MECOM: variants seen among roughly 807,000 people sequenced by gnomAD.
The protein encoded by MECOM is histone-lysine N-methyltransferase MECOM.
Under a neutral mutation model 116.3 loss-of-function variants are expected in MECOM, and 13 were observed. The observed-to-expected ratio is 0.11, with a 90% CI of 0.07 to 0.18. The LOEUF (loss-of-function observed/expected upper bound fraction) is 0.18. Ranked by LOEUF, MECOM falls within the 10% of genes least tolerant of loss-of-function variation. MECOM has a pLI of 1.00. For synonymous variants in MECOM, 528 were observed against 535.2 expected (o/e 0.99, Z 0.19); for missense variants, 1,299 against 1,509.0 (o/e 0.86, Z 2.31).
At chr3:169,557,874 A>C (rs1299191882) in intron 1 of MECOM, among the ~76,000 whole-genome samples, 1 of 152,244 alleles carries the variant, frequency 6.6e-6, no homozygotes, top group Non-Finnish European at 1.5e-5. Flanking sequence ...TATTTCTTAC[A>C]TAAAAATATT....
chr3:169,543,869 T>C (rs937310226), intron 1 of MECOM, among the ~76,000 whole-genome samples: 2 of 152,140 alleles, frequency 1.3e-5, no homozygotes, highest in African/African-American at 4.8e-5. Flanking sequence ...TTCAATAAGC[T>C]GCTGTTTATT....
intron 2 of MECOM, among the ~76,000 whole-genome samples, chr3:169,220,903 C>T (rs942910954): frequency 1.3e-5 from 2 of 151,988 alleles, no homozygotes; most frequent in Admixed American, 6.6e-5. Flanking sequence ...CAATATCCGG[C>T]GCATAGTTGG....
intron 1 of MECOM, among the ~76,000 whole-genome samples, chr3:169,450,837 GC>G (rs1745454737): frequency 6.6e-6 from 1 of 152,112 alleles, no homozygotes; most frequent in South Asian, 2.1e-4. Context: ...TACAAATGAG[GC>G]CAAGGCTCTG....
At chr3:169,176,462 TAACTC>T (rs1745183598) in intron 2 of MECOM, among the ~76,000 whole-genome samples, 1 of 151,892 alleles carries the variant, frequency 6.6e-6, no homozygotes, top group Non-Finnish European at 1.5e-5. Context: ...ATACAAAAAT[TAACTC>T]AAGATGGATT....
At chr3:169,246,525 C>CA (rs1755600386) in intron 2 of MECOM, among the ~76,000 whole-genome samples, 1 of 146,114 alleles carries the variant, frequency 6.8e-6, no homozygotes, top group Non-Finnish European at 1.5e-5. Context: ...AGTACACATA[C>CA]ACTTTTTTTT....
At chr3:169,559,260 C>T (rs141615451) in intron 1 of MECOM, among the ~76,000 whole-genome samples, 1 of 152,134 alleles carries the variant, frequency 6.6e-6, no homozygotes, top group East Asian at 1.9e-4. Flanking sequence ...TTTTCATAGC[C>T]GGGCTCTATA....
intron 1 of MECOM, among the ~76,000 whole-genome samples, chr3:169,649,085 A>G (rs181984983): frequency 6.6e-6 from 1 of 152,354 alleles, no homozygotes; most frequent in East Asian, 1.9e-4. Flanking sequence ...TTTATGGGCT[A>G]TGTAAATACA....
At chr3:169,414,614 A>C (rs1738202592) in intron 1 of MECOM, among the ~76,000 whole-genome samples, 1 of 152,324 alleles carries the variant, frequency 6.6e-6, no homozygotes, top group South Asian at 2.1e-4. Flanking sequence ...TTCTAACTCA[A>C]TGCAAGGAAG....
intron 2 of MECOM, among the ~76,000 whole-genome samples, chr3:169,187,423 C>T (rs1319808573): frequency 2.0e-5 from 3 of 152,190 alleles, no homozygotes; most frequent in East Asian, 1.9e-4. Flanking sequence ...AAAGCCAACA[C>T]GTTACAATTT....
chr3:169,323,246 C>T (rs1721233209), intron 2 of MECOM, among the ~76,000 whole-genome samples: 1 of 152,148 alleles, frequency 6.6e-6, no homozygotes, highest in South Asian at 2.1e-4. Flanking sequence ...TTGAGGAGGT[C>T]AGAAACCAGT....
chr3:169,091,614 CACAA>C lies in MECOM; in HGVS notation c.3164+1340_3164+1343del, dbSNP rs549292323. Reference sequence around the variant, plus strand: ...GATCATCTGCTTCCTCTCTCCCTTTCACAAACAGACAGACAGACACGCACACACA... The same window carrying C: ...GATCATCTGCTTCCTCTCTCCCTTTCACAGACAGACAGACACGCACACACA... On this transcript the variant is annotated intron_variant, in intron 14 of 16. Coordinates refer to ENST00000651503, the MANE Select transcript of MECOM (RefSeq NM_004991.4). 5.1e-4 allele frequency among the ~76,000 whole-genome samples: 77 copies of C among 152,138 alleles called. 1 individual carries two copies. Among genetic ancestry groups the C allele is most frequent in the Middle Eastern group, 6.8e-3 (2 of 294 alleles).
At position 169,089,193 on chromosome 3, in the gene MECOM, A is replaced by G; in HGVS notation, c.3402-10T>C. The G allele has an allele frequency of 2.7e-6, 4 of 1,480,834 alleles. No individual in the cohort carries two copies. The Admixed American group carries it at 7.7e-5, about 28-fold the overall frequency. The allele number at this position is 1,480,834 out of a possible 1,614,324, so 91.7% of individuals were successfully genotyped here. ...TTCTTCCTCTTTATACCTAAAATGA[A>G]CCAACGAAAAACACAGAAATTTTCT... is the stretch of plus-strand genomic sequence containing the variant. On this transcript the variant is annotated splice_polypyrimidine_tract_variant and intron_variant, in intron 15 of 16. Transcript: ENST00000651503.
At chr3:169,546,969 T>G (rs1760793699) in intron 1 of MECOM, among the ~76,000 whole-genome samples, 1 of 152,218 alleles carries the variant, frequency 6.6e-6, no homozygotes, top group Non-Finnish European at 1.5e-5. Flanking sequence ...TATAAATTTT[T>G]TATAAAGGCA....
chr3:169,654,643 G>T (rs1456207211), intron 1 of MECOM, among the ~76,000 whole-genome samples: 2 of 152,156 alleles, frequency 1.3e-5, no homozygotes, highest in Admixed American at 1.3e-4. Context: ...AAGAAAGAAT[G>T]GTGGCCAGTG....
intron 1 of MECOM, among the ~76,000 whole-genome samples, chr3:169,570,247 G>A (rs1763715697): frequency 6.6e-6 from 1 of 152,074 alleles, no homozygotes; most frequent in African/African-American, 2.4e-5. Context: ...AGAAGAAATG[G>A]ATGAATTCCT....
At chr3:169,421,996 C>G (rs893828666) in intron 1 of MECOM, among the ~76,000 whole-genome samples, 3 of 152,032 alleles carry the variant, frequency 2.0e-5, no homozygotes, top group Admixed American at 6.6e-5. Context: ...AAGAGAAACA[C>G]GATTTATGCT....
chr3:169,131,508 G>A lies in MECOM; in HGVS notation c.534C>T (p.Asp178=). 2 of 1,613,570 alleles carry A rather than the reference G, an allele frequency of 1.2e-6. No individual in the cohort carries two copies. The highest frequency in any genetic ancestry group is 8.5e-7 in the Non-Finnish European group (1 of 1,179,844). The change falls in exon 4 of 17, where the codon GAC becomes GAT. Residue 178 remains aspartate (D), a synonymous_variant. Coordinates refer to ENST00000651503, the MANE Select transcript of MECOM (RefSeq NM_004991.4). ...GCAGAAGCTCCTCTCCCGGCGCAAT[G>A]TCTGCAACTACTCTATAGAATATCT... ...NDQIFYRVVA[D]IAPGEELLLF...
intron 7 of MECOM, among the ~76,000 whole-genome samples, chr3:169,119,604 G>T (rs1463835479): frequency 6.6e-6 from 1 of 151,916 alleles, no homozygotes; most frequent in African/African-American, 2.4e-5. Flanking sequence ...ATTCCTTGTG[G>T]TTTATTCTAG....
intron 1 of MECOM, chr3:169,466,920 C>G (rs1034793003): frequency 6.6e-6 from 1 of 152,170 alleles, no homozygotes; most frequent in Non-Finnish European, 1.5e-5. Context: ...TATTAAAATA[C>G]AAGTTGCCAA....
Sources: gnomAD v4.1 joint callset for allele counts (sites outside exome capture counted in the v4.1 genomes callset) on GRCh38, gnomAD v4.1.1 for gene constraint, MANE v1.5 for transcripts, NCBI Gene and HGNC (gene_info 2026-07-23, HGNC 2026-07-21) for gene names.